Variants in WDR81 observed in about 807,000 individuals in gnomAD.
WDR81 encodes the protein WD repeat-containing protein 81.
In WDR81, 92 loss-of-function variants were observed where a neutral mutation model predicts 140.8. That is an observed-to-expected ratio of 0.65 (90% confidence interval 0.55 to 0.78). WDR81 has a LOEUF of 0.78. WDR81 is among the 30% of genes least tolerant of loss of function. The pLI, the probability that WDR81 is intolerant of heterozygous loss-of-function variation, is 0.00. For missense variants in WDR81, 2,502 were observed against 2,636.4 expected (o/e 0.95, Z 1.12); for synonymous variants, 1,183 against 1,156.4 (o/e 1.02, Z -0.47).
chr17:1,731,120 C>G lies in WDR81; in HGVS notation c.4019C>G (p.Ala1340Gly). The G allele has an allele frequency of 6.2e-7, 1 of 1,613,228 alleles. No individual in the cohort carries two copies. Among genetic ancestry groups the G allele is most frequent in the East Asian group, 2.2e-5 (1 of 44,872 alleles). ...AGCCGACTGAACAGCCGTAAGGAGG[C>G]GGGGCTGCTGGCCGCGGTGACGCTG... ...GPSRLNSRKE[A>G]GLLAAVTLTQ... Residue 1340 changes from alanine to glycine, a missense_variant, in exon 4 of 10, where the codon GCG becomes GGG. By Grantham distance (60) the Ala-to-Gly change is moderately conservative. Around this residue, in one of 3 missense-constraint regions of WDR81, gnomAD observed 1,737 missense variants for 1,843.0 expected, o/e 0.94. Coordinates refer to ENST00000409644, the MANE Select transcript of WDR81 (RefSeq NM_001163809.2).
chr17:1,724,755 C>G lies in WDR81; in HGVS notation c.-205C>G. 8.8e-7 allele frequency: 1 copy of G among 1,133,390 alleles called. No homozygotes were observed. The highest frequency in any genetic ancestry group is 1.1e-6 in the Non-Finnish European group (1 of 925,500). 70.2% of individuals were successfully genotyped at this position (1,133,390 alleles called of 1,614,324 possible). On this transcript the variant is annotated 5_prime_UTR_variant, in exon 1 of 10. Coordinates refer to ENST00000409644, the MANE Select transcript of WDR81 (RefSeq NM_001163809.2). ...TGCTCGCGCCCGGCAGCCTCTGCCC[C>G]GCCGCGCCCGGAGCGCAGGACCCGC...
exon 1 of WDR81, chr17:1,716,570 C>T: frequency 6.4e-7 from 1 of 1,551,436 alleles, no homozygotes; most frequent in Non-Finnish European, 8.7e-7. Context: ...TCTGCGTTTG[C>T]AATGCATGCT....
intron 1 of WDR81, among the ~76,000 whole-genome samples, chr17:1,716,868 G>T (rs1451195586): frequency 6.6e-6 from 1 of 152,184 alleles, no homozygotes; most frequent in Non-Finnish European, 1.5e-5. Flanking sequence ...AGCTCTCCAG[G>T]GTTTTTGGAG....
upstream of WDR81, among the ~76,000 whole-genome samples, chr17:1,723,412 T>C (rs551024080): frequency 6.7e-5 from 10 of 149,152 alleles, no homozygotes; most frequent in South Asian, 1.0e-3. Flanking sequence ...TTATTTTATT[T>C]ATTTATTTTT....
upstream of WDR81, among the ~76,000 whole-genome samples, chr17:1,723,049 C>T (rs141461076): frequency 1.6e-3 from 237 of 152,292 alleles, 2 homozygotes; most frequent in African/African-American, 5.5e-3. Flanking sequence ...CACCAAACTC[C>T]TTCAAGAGGC....
At chr17:1,730,510 C>T in intron 2 of WDR81, 23 bp downstream of exon 2, 2 of 1,602,912 alleles carry the variant, frequency 1.2e-6, no homozygotes, top group Non-Finnish European at 1.7e-6. Context: ...GCGGTCAGTG[C>T]TGGAGATGAG....
Position 1,726,847 on chromosome 17 carries a change from C to A in WDR81, c.1888C>A (p.Pro630Thr). 1 of 1,550,264 alleles carries A rather than the reference C, an allele frequency of 6.5e-7. No homozygotes were observed. ...CTTCACGGAAAACCCGGGACAGCTT[C>A]CAAATGGAGTGGGCCGGCCAGTTTT... ...EDFTENPGQL[P>T]NGVGRPVLEA... The change falls in exon 1 of 10, where the codon CCA (proline) becomes ACA (threonine). Residue 630 changes from proline to threonine, a missense_variant. This residue lies in a region of WDR81 where 1,737 missense variants were observed against 1,843.0 expected (regional missense o/e 0.94). Transcript: ENST00000409644.
Position 1,726,195 on chromosome 17 carries a change from A to G in WDR81, c.1236A>G (p.Gln412=), listed in dbSNP as rs1332655318. The change falls in exon 1 of 10, where the codon CAA becomes CAG. Residue 412 remains glutamine (Q), a synonymous_variant. Transcript: ENST00000409644. Reference sequence around the variant, plus strand: ...TCCGCCTCAACAAGGGGGATAAGCAACTGGACTTCACGTATGAGATGACAC... The same window carrying G: ...TCCGCCTCAACAAGGGGGATAAGCAGCTGGACTTCACGTATGAGATGACAC... ...SKFRLNKGDK[Q]LDFTYEMTRQ... 7.2e-6 allele frequency: 11 copies of G among 1,523,614 alleles called. No homozygotes were observed. The East Asian group carries it at 7.4e-5, about 10-fold the overall frequency. 94.4% of individuals were successfully genotyped at this position (1,523,614 alleles called of 1,614,324 possible). A position where few individuals can be genotyped will look rare whatever the true frequency, so the allele number is the denominator to read the frequency against.
At chr17:1,722,527 G>T (rs1914923313), upstream of WDR81, among the ~76,000 whole-genome samples, 1 of 150,750 alleles carries the variant, frequency 6.6e-6, no homozygotes. Context: ...TTGTATTTTA[G>T]TAGAGATGGG....
At position 1,727,023 on chromosome 17, in the gene WDR81, A is replaced by T; in HGVS notation, c.2064A>T (p.Gly688=). The T allele has an allele frequency of 6.5e-7, 1 of 1,550,190 alleles. No individual in the cohort carries two copies. Among genetic ancestry groups the T allele is most frequent in the Non-Finnish European group, 8.7e-7 (1 of 1,146,930 alleles). Residue 688 remains glycine, a synonymous_variant, in exon 1 of 10, where the codon GGA becomes GGT. Coordinates refer to ENST00000409644, the MANE Select transcript of WDR81 (RefSeq NM_001163809.2). The part of the protein sequence containing the change: ...QLGSSSQASP[G]LLSFSVASAS... ...GCTCCTCCAGTCAAGCGTCCCCTGG[A>T]CTTCTCTCTTTCTCAGTGGCCTCAG... is the stretch of plus-strand genomic sequence containing the variant.
intron 9 of WDR81, among the ~76,000 whole-genome samples, 198 bp from the exon 10 acceptor site, chr17:1,737,167 C>T (rs187416740): frequency 6.6e-5 from 10 of 152,286 alleles, no homozygotes; most frequent in Admixed American, 3.9e-4. Context: ...GTTAGAGTGA[C>T]GACTGGGTTA....
rs1272144442 is a variant in WDR81, at chr17:1,733,976, C to T, written c.4939C>T (p.His1647Tyr). 6.2e-7 allele frequency: 1 copy of T among 1,612,874 alleles called. No homozygotes were observed. The highest frequency in any genetic ancestry group is 1.7e-5 in the Admixed American group (1 of 60,028). The change falls in exon 7 of 10, where the codon CAC (histidine) becomes TAC (tyrosine). Residue 1647 changes from histidine (H) to tyrosine (Y), a missense_variant. Physicochemically the swap from His to Tyr is moderately conservative, Grantham distance 83 (BLOSUM62 2). Coordinates refer to ENST00000409644, the MANE Select transcript of WDR81 (RefSeq NM_001163809.2). ...GATCCGCCTGCAGAGCTTCCCGGGC[C>T]ACTCGGGGGCCGTCAAGTGCGTGGC... Reference protein sequence around the residue: ...HQIRLQSFPGHSGAVKCVAPL... With the variant: ...HQIRLQSFPGYSGAVKCVAPL...
chr17:1,718,943 G>A lies in WDR81; in HGVS notation c.-124+2310G>A, dbSNP rs756645754. Among the ~76,000 whole-genome samples the A allele has an allele frequency of 3.9e-4, 59 of 152,176 alleles. 1 individual carries two copies. Among genetic ancestry groups the A allele is most frequent in the Non-Finnish European group, 6.3e-4 (43 of 68,012 alleles). ...ATTTTAAGTAGAATAATTTCTTGTGGGAGGGCTACCGGGTGCACAATAGGA... is the reference window on the plus strand; with the variant it reads ...ATTTTAAGTAGAATAATTTCTTGTGAGAGGGCTACCGGGTGCACAATAGGA... On this transcript the variant is annotated intron_variant, in intron 1 of 10. Transcript: ENST00000309182.
In WDR81 at chr17:1,736,746, C is replaced by T. The variant is rs1277935160; in HGVS notation, c.5505+528C>T. On this transcript the variant is annotated intron_variant, in intron 9 of 9. Coordinates refer to ENST00000409644, the MANE Select transcript of WDR81 (RefSeq NM_001163809.2). ...ATTCTCAGTCACAGGCCTCGGGGAGCTGCTCAGGGAGGCCCAGGAGGGGAG... is the reference window on the plus strand; with the variant it reads ...ATTCTCAGTCACAGGCCTCGGGGAGTTGCTCAGGGAGGCCCAGGAGGGGAG... Among the ~76,000 whole-genome samples the T allele has an allele frequency of 3.9e-5, 6 of 152,142 alleles. 1 individual carries two copies. Among genetic ancestry groups the T allele is most frequent in the African/African-American group, 1.4e-4 (6 of 41,432 alleles).
At position 1,735,921 on chromosome 17, in the gene WDR81, C is replaced by T; in HGVS notation, c.5326-118C>T. ...GGTGGGGTTCTGGGCTTTTCATGCC[C>T]CCTGATGAGGGTCAGAGGCTCAGGC... is the stretch of plus-strand genomic sequence containing the variant. On this transcript the variant is annotated intron_variant, in intron 8 of 9. Transcript: ENST00000409644. This position sits in a 1 kb window ranked among gnomAD's most constrained non-coding sequence, Gnocchi z 4.2. 2.1e-6 allele frequency: 3 copies of T among 1,440,154 alleles called. No homozygotes were observed. Among genetic ancestry groups the T allele is most frequent in the Admixed American group, 2.4e-5 (1 of 41,998 alleles). 89.2% of individuals were successfully genotyped at this position (1,440,154 alleles called of 1,614,324 possible).
chr17:1,735,895 G>A lies in WDR81; in HGVS notation c.5326-144G>A. ...GGGGCAGGACTCTGGCCTGTGATGG[G>A]GGTGGGGTTCTGGGCTTTTCATGCC... On this transcript the variant is annotated intron_variant, in intron 8 of 9. Transcript: ENST00000409644. This position sits in a 1 kb window ranked among gnomAD's most constrained non-coding sequence, Gnocchi z 4.2. The A allele has an allele frequency of 7.3e-7, 1 of 1,377,490 alleles. No homozygotes were observed. The allele number at this position is 1,377,490 out of a possible 1,614,324, so 85.3% of individuals were successfully genotyped here.
chr17:1,716,653 C>G (rs1914578744), intron 1 of WDR81: 3 of 1,551,462 alleles, frequency 1.9e-6, no homozygotes, highest in South Asian at 2.4e-5. Flanking sequence ...CATTTTTAAA[C>G]TGAGCTCGGA....
At position 1,732,690 on chromosome 17, in the gene WDR81, C is replaced by T. The variant is rs1470894539; in HGVS notation, c.4348C>T (p.Arg1450Cys). Reference sequence around the variant, plus strand: ...GGATCTGAAGCTGGACCCTGCGGGCCGTGGTGAGGGCCAGCTGCCACAGGT... The same window carrying T: ...GGATCTGAAGCTGGACCCTGCGGGCTGTGGTGAGGGCCAGCTGCCACAGGT... ...QQDLKLDPAGRGEGQLPQVVF... is the reference protein window; with the variant it reads ...QQDLKLDPAGCGEGQLPQVVF... The change falls in exon 6 of 10, where the codon CGT becomes TGT. Residue 1450 changes from arginine (R) to cysteine (C), a missense_variant. Around this residue, in one of 3 missense-constraint regions of WDR81, gnomAD observed 1,737 missense variants for 1,843.0 expected, o/e 0.94. Transcript: ENST00000409644. 6.2e-6 allele frequency: 10 copies of T among 1,609,732 alleles called. No individual in the cohort carries two copies. The highest frequency in any genetic ancestry group is 5.0e-5 in the Admixed American group (3 of 59,676).
chr17:1,733,485 T>C, intron 6 of WDR81, 42 bp from the exon 7 acceptor site: 1 of 1,496,642 alleles, frequency 6.7e-7, no homozygotes, highest in South Asian at 1.4e-5. Context: ...AGCAGCCGCC[T>C]GCCATCTTCC....
Sources: gnomAD v4.1 joint callset for allele counts (sites outside exome capture counted in the v4.1 genomes callset) on GRCh38, gnomAD v4.1.1 for gene constraint, gnomAD v4.1.1 regional missense constraint, Gnocchi (gnomAD v3.1) non-coding constraint, MANE v1.5 for transcripts, NCBI Gene and HGNC (gene_info 2026-07-23, HGNC 2026-07-21) for gene names.